Variants in GABRA3 observed in about 807,000 individuals in gnomAD.
GABRA3 encodes gamma-aminobutyric acid receptor subunit alpha-3.
A neutral mutation model predicts 30.1 loss-of-function variants in GABRA3; 10 were observed. That is an observed-to-expected ratio of 0.33 (90% CI 0.20 to 0.56). GABRA3 has a LOEUF of 0.56. Ranked by LOEUF, GABRA3 falls within the 20% of genes least tolerant of loss-of-function variation. The probability of loss-of-function intolerance (pLI) is 0.89; values close to 1 mark genes in which losing one functional copy is unlikely to be tolerated. For synonymous variants in GABRA3, 151 were observed against 146.8 expected (o/e 1.03, Z -0.21); for missense variants, 233 against 392.0 (o/e 0.59, Z 3.42).
At chrX:152,173,873 T>C (rs902785789) in intron 9 of GABRA3, among the ~76,000 whole-genome samples, 10 of 110,300 alleles carry the variant, frequency 9.1e-5, no homozygotes, top group Non-Finnish European at 1.1e-4. Context: ...ATGTGCCATG[T>C]TGGTGTGCTG....
intron 3 of GABRA3, among the ~76,000 whole-genome samples, chrX:152,285,281 G>A (rs753676769): frequency 8.9e-6 from 1 of 112,245 alleles, no homozygotes; most frequent in Non-Finnish European, 1.9e-5. Context: ...GAAAAAGTCT[G>A]GAATGATGAG....
chrX:152,395,846 C>G (rs1402202538), intron 1 of GABRA3, among the ~76,000 whole-genome samples: 1 of 112,083 alleles, frequency 8.9e-6, no homozygotes, highest in Non-Finnish European at 1.9e-5. Flanking sequence ...AATCACAGAT[C>G]AATCTCAAAC....
At chrX:152,228,521 C>T (rs1938007565) in intron 5 of GABRA3, among the ~76,000 whole-genome samples, 1 of 111,530 alleles carries the variant, frequency 9.0e-6, no homozygotes, top group South Asian at 3.8e-4. Context: ...CTTGGCATTA[C>T]TCATAAGAGG....
intron 5 of GABRA3, among the ~76,000 whole-genome samples, chrX:152,241,157 G>C (rs1938356635): frequency 2.0e-5 from 2 of 100,730 alleles, no homozygotes; most frequent in Non-Finnish European, 4.1e-5. Flanking sequence ...TGATGATGGT[G>C]ATGTACAGAT....
chrX:152,250,836 G>C (rs1235174700), intron 5 of GABRA3, among the ~76,000 whole-genome samples: 1 of 110,960 alleles, frequency 9.0e-6, no homozygotes, highest in Admixed American at 9.6e-5. Context: ...ATGGACTCCA[G>C]ATAAGATTCC....
intron 1 of GABRA3, among the ~76,000 whole-genome samples, chrX:152,419,676 C>G (rs1930325788): frequency 9.0e-6 from 1 of 111,210 alleles, no homozygotes; most frequent in Non-Finnish European, 1.9e-5. Context: ...GAATTCCTCT[C>G]AACATTTAAA....
intron 3 of GABRA3, among the ~76,000 whole-genome samples, chrX:152,317,201 A>G (rs1939891640): frequency 8.9e-6 from 1 of 112,037 alleles, no homozygotes. Flanking sequence ...TTTTAAAGCA[A>G]CAGCAGTTAC....
intron 2 of GABRA3, among the ~76,000 whole-genome samples, chrX:152,360,737 AT>A (rs1297465358): frequency 1.2e-4 from 10 of 83,921 alleles, no homozygotes; most frequent in African/African-American, 2.6e-4. Context: ...AAAAAAAAAA[AT>A]TAAAAAAAAA....
chrX:152,180,853 G>A (rs774155129), intron 9 of GABRA3, among the ~76,000 whole-genome samples: 1 of 111,889 alleles, frequency 8.9e-6, no homozygotes, highest in Non-Finnish European at 1.9e-5. Flanking sequence ...AACCATAAAT[G>A]CATGAATTTA....
chrX:152,181,124 G>T (rs2124335358), intron 9 of GABRA3, among the ~76,000 whole-genome samples: 1 of 111,585 alleles, frequency 9.0e-6, no homozygotes, highest in Non-Finnish European at 1.9e-5. Context: ...ACATCAGTTT[G>T]GGTGGCATGA....
At chrX:152,440,912 A>G (rs1180723362) in intron 1 of GABRA3, among the ~76,000 whole-genome samples, 1 of 110,394 alleles carries the variant, frequency 9.1e-6, no homozygotes, top group Non-Finnish European at 1.9e-5. Context: ...TACCTAATGT[A>G]TGTGACAGGT....
intron 5 of GABRA3, among the ~76,000 whole-genome samples, chrX:152,228,875 T>C (rs1332363976): frequency 1.8e-5 from 2 of 111,446 alleles, no homozygotes; most frequent in African/African-American, 6.5e-5. Flanking sequence ...CATTTATTCA[T>C]TTAACAACAT....
chrX:152,345,472 C>T (rs1940376784), intron 3 of GABRA3, 109 bp downstream of exon 3: 30 of 859,988 alleles, frequency 3.5e-5, no homozygotes, highest in Non-Finnish European at 4.7e-5. Context: ...CAGCTTTACA[C>T]TAATCTCATT....
At chrX:152,231,734 T>C (rs1938084536) in intron 5 of GABRA3, among the ~76,000 whole-genome samples, 1 of 111,851 alleles carries the variant, frequency 8.9e-6, no homozygotes, top group African/African-American at 3.2e-5. Context: ...AGCAGCTTTA[T>C]TCACAATAGA....
chrX:152,380,500 T>C (rs943343551), intron 1 of GABRA3, among the ~76,000 whole-genome samples: 2 of 112,031 alleles, frequency 1.8e-5, no homozygotes, highest in African/African-American at 6.5e-5. Flanking sequence ...TATTCATCTG[T>C]TGATGGCCAC....
At chrX:152,427,776 G>A in intron 1 of GABRA3, among the ~76,000 whole-genome samples, 1 of 111,665 alleles carries the variant, frequency 9.0e-6, no homozygotes, top group East Asian at 2.8e-4. Flanking sequence ...AAAACTTTCT[G>A]TTTCTCACCA....
chrX:152,234,483 C>A (rs1421077511), intron 5 of GABRA3, among the ~76,000 whole-genome samples: 2 of 110,369 alleles, frequency 1.8e-5, no homozygotes, highest in Non-Finnish European at 3.8e-5. Context: ...TAATTAAGTC[C>A]CATTTCTCTA....
chrX:152,328,281 C>A (rs1197486990), intron 3 of GABRA3, among the ~76,000 whole-genome samples: 2 of 111,742 alleles, frequency 1.8e-5, no homozygotes, highest in Non-Finnish European at 3.8e-5. Context: ...CAATGAGGAG[C>A]TGGTACCATT....
intron 1 of GABRA3, among the ~76,000 whole-genome samples, chrX:152,371,288 C>T (rs1247175127): frequency 9.0e-6 from 1 of 111,619 alleles, no homozygotes; most frequent in Non-Finnish European, 1.9e-5. Flanking sequence ...AGAATCTCTG[C>T]AAATAGCTTT....
Sources: allele counts gnomAD v4.1 joint callset (sites outside exome capture counted in the v4.1 genomes callset), GRCh38; gene constraint gnomAD v4.1.1; transcripts MANE v1.5; gene names NCBI Gene and HGNC (gene_info 2026-07-23, HGNC 2026-07-21).